Variants in FAM234B observed in about 807,000 individuals in gnomAD.
The protein encoded by FAM234B is family with sequence similarity 234 member B, also known as protein FAM234B.
FAM234B carries 33 observed loss-of-function variants against 69.3 expected under a neutral mutation model. That is an observed-to-expected ratio of 0.48 (90% confidence interval 0.36 to 0.64). FAM234B has a LOEUF of 0.64. FAM234B is among the 30% of genes least tolerant of loss of function. FAM234B has a pLI of 0.00. For missense variants in FAM234B, 697 were observed against 769.7 expected (o/e 0.91, Z 1.12); for synonymous variants, 306 against 306.9 (o/e 1.00, Z 0.03).
At chr12:13,071,498 AGGGG>A in intron 10 of FAM234B, 102 bp downstream of exon 10, 1 of 1,125,886 alleles carries the variant, frequency 8.9e-7, no homozygotes, top group Non-Finnish European at 1.3e-6. Context: ...TCACTTTCCA[AGGGG>A]TTGGAATAGA....
rs1865263143 is a variant in FAM234B at position 13,083,293 on chromosome 12, G to T, written c.*2663G>T. ...TCCCTTTTCCTTAGACCCCGTTTTT[G>T]CCATCCCCCAAATGTGTGGTATGGT... On this transcript the variant is annotated 3_prime_UTR_variant, in exon 13 of 13. Transcript: ENST00000197268. The T allele has an allele frequency of 6.6e-6, 1 of 152,394 alleles. No homozygotes were observed. Among genetic ancestry groups the T allele is most frequent in the African/African-American group, 2.4e-5 (1 of 41,364 alleles). The allele number at this position is 152,394 out of a possible 1,614,324, so 9.4% of individuals were successfully genotyped here.
At position 13,067,220 on chromosome 12, in the gene FAM234B, C is replaced by T. The variant is rs1354415742; in HGVS notation, c.1066C>T (p.Pro356Ser). Residue 356 changes from proline to serine, a missense_variant, in exon 7 of 13, where the codon CCT (proline) becomes TCT (serine). Physicochemically the swap from Pro to Ser is moderately conservative, Grantham distance 74. Around this residue, in one of 3 missense-constraint regions of FAM234B, gnomAD observed 380 missense variants for 447.1 expected, o/e 0.85. Transcript: ENST00000197268. The surrounding 1 kb of genome is among the most constrained non-coding windows in gnomAD (Gnocchi z 4.7). Reference sequence around the variant, plus strand: ...GGCCCAAAATCGAGACAGCTCACCACCTTCTCTGCAGATAGAAGAGCCAGA... The same window carrying T: ...GGCCCAAAATCGAGACAGCTCACCATCTTCTCTGCAGATAGAAGAGCCAGA... ...VQAQNRDSSPPSLQIEEPEWE... is the reference protein window; with the variant it reads ...VQAQNRDSSPSSLQIEEPEWE... 6.2e-6 allele frequency: 10 copies of T among 1,614,044 alleles called. No homozygotes were observed. Among genetic ancestry groups the T allele is most frequent in the Non-Finnish European group, 8.5e-6 (10 of 1,179,896 alleles).
chr12:13,049,338 C>A (rs570191038), intron 1 of FAM234B, among the ~76,000 whole-genome samples: 1 of 152,222 alleles, frequency 6.6e-6, no homozygotes, highest in Non-Finnish European at 1.5e-5. Flanking sequence ...TGCCACCACA[C>A]GTGGCAAATT....
intron 1 of FAM234B, among the ~76,000 whole-genome samples, chr12:13,054,263 T>C (rs1864906544): frequency 6.6e-6 from 1 of 152,094 alleles, no homozygotes; most frequent in African/African-American, 2.4e-5. Flanking sequence ...ATCTTACAAT[T>C]TGTGGTTAGA....
chr12:13,062,809 G>C (rs564011293), intron 4 of FAM234B, 36 bp from the exon 5 acceptor site: 1 of 1,609,708 alleles, frequency 6.2e-7, no homozygotes, highest in South Asian at 1.1e-5. Flanking sequence ...AAGGCAAGAA[G>C]TTGTCATAGT....
intron 10 of FAM234B, among the ~76,000 whole-genome samples, chr12:13,075,610 C>CTTTTT (rs5796522): frequency 1.6e-5 from 2 of 122,890 alleles, no homozygotes; most frequent in African/African-American, 3.1e-5. Context: ...TTTTTTTTCT[C>CTTTTT]TTTTTTTTTT....
intron 3 of FAM234B, among the ~76,000 whole-genome samples, 161 bp from the exon 4 acceptor site, chr12:13,061,414 G>A (rs1591598517): frequency 2.0e-5 from 3 of 152,208 alleles, no homozygotes; most frequent in African/African-American, 4.8e-5. Flanking sequence ...CAGGCACTCT[G>A]TGTTCACATC....
chr12:13,076,510 C>T (rs1865162148), intron 11 of FAM234B, among the ~76,000 whole-genome samples: 1 of 152,174 alleles, frequency 6.6e-6, no homozygotes. Context: ...TTGACCCACT[C>T]AGAGATTAGG....
intron 1 of FAM234B, among the ~76,000 whole-genome samples, chr12:13,050,090 G>A (rs1864859521): frequency 6.6e-6 from 1 of 152,104 alleles, no homozygotes; most frequent in Admixed American, 6.5e-5. Context: ...GTAGGCTGCT[G>A]GTTTGGCATT....
chr12:13,077,196 T>C (rs1380657418), intron 11 of FAM234B, among the ~76,000 whole-genome samples: 1 of 152,160 alleles, frequency 6.6e-6, no homozygotes, highest in East Asian at 1.9e-4. Context: ...TCAGTGAACA[T>C]CAAATAATGG....
intron 2 of FAM234B, among the ~76,000 whole-genome samples, chr12:13,057,381 T>C (rs1864941654): frequency 6.6e-6 from 1 of 152,242 alleles, no homozygotes; most frequent in African/African-American, 2.4e-5. Flanking sequence ...CACTACTGTC[T>C]GATTTTTCCA....
chr12:13,072,689 A>T (rs10845703), intron 10 of FAM234B, among the ~76,000 whole-genome samples: 1 of 150,604 alleles, frequency 6.6e-6, no homozygotes, highest in Non-Finnish European at 1.5e-5. Context: ...GAGATCATGC[A>T]ATTGCACTCC....
chr12:13,060,342 T>G (rs1321051973), intron 3 of FAM234B, among the ~76,000 whole-genome samples: 1 of 152,176 alleles, frequency 6.6e-6, no homozygotes, highest in Admixed American at 6.5e-5. Context: ...ATACTAACTG[T>G]GCGGCAGCCA....
In FAM234B at chr12:13,055,835, C is replaced by T; in HGVS notation, c.322C>T (p.Leu108=). The T allele has an allele frequency of 1.2e-6, 2 of 1,614,096 alleles. No individual in the cohort carries two copies. Among genetic ancestry groups the T allele is most frequent in the Non-Finnish European group, 1.7e-6 (2 of 1,180,016 alleles). ...GTCATATGTGCGCACGTCTGTCTTCCTGCTGACTTTGGGGATCTCGATGAT... is the reference window on the plus strand; with the variant it reads ...GTCATATGTGCGCACGTCTGTCTTCTTGCTGACTTTGGGGATCTCGATGAT... ...LVSYVRTSVF[L]LTLGISMILV... is the part of the protein sequence containing the mutation. Residue 108 remains leucine, a synonymous_variant, in exon 2 of 13, where the codon CTG becomes TTG. Coordinates refer to ENST00000197268, the MANE Select transcript of FAM234B (RefSeq NM_020853.2).
chr12:13,071,185 G>A, intron 9 of FAM234B, 56 bp from the exon 10 acceptor site: 2 of 1,588,552 alleles, frequency 1.3e-6, no homozygotes, highest in South Asian at 1.1e-5. Context: ...GCATTTTCTG[G>A]GCCTGCTGCT....
rs1354717745 is a variant in FAM234B at position 13,067,706 on chromosome 12, A to G, written c.1142+410A>G. On this transcript the variant is annotated intron_variant, in intron 7 of 12. Coordinates refer to ENST00000197268, the MANE Select transcript of FAM234B (RefSeq NM_020853.2). The surrounding 1 kb of genome is among the most constrained non-coding windows in gnomAD (Gnocchi z 4.7). The stretch of plus-strand genomic sequence containing the variant: ...TAGTGTCCATGAAATCTTATTTTTT[A>G]TTTTTATTTATTTCCTAACTAGAAG... Among the ~76,000 whole-genome samples, 1 of 152,118 alleles carries G rather than the reference A, an allele frequency of 6.6e-6. No homozygotes were observed. The highest frequency in any genetic ancestry group is 1.5e-5 in the Non-Finnish European group (1 of 68,006).
intron 10 of FAM234B, among the ~76,000 whole-genome samples, 156 bp downstream of exon 10, chr12:13,071,552 GTCC>G (rs1234686456): frequency 2.6e-5 from 4 of 152,296 alleles, no homozygotes; most frequent in East Asian, 1.9e-4. Flanking sequence ...GGAACCCTGT[GTCC>G]TCCTGAGCCA....
intron 2 of FAM234B, among the ~76,000 whole-genome samples, chr12:13,056,293 G>A (rs1236258956): frequency 2.0e-5 from 3 of 152,170 alleles, no homozygotes; most frequent in Non-Finnish European, 4.4e-5. Flanking sequence ...TCAAGGCCTG[G>A]TTGCACCAGG....
rs577115710 is a variant in FAM234B, at chr12:13,067,457, G to C, written c.1142+161G>C. On this transcript the variant is annotated intron_variant, in intron 7 of 12. Transcript: ENST00000197268. The surrounding 1 kb of genome is among the most constrained non-coding windows in gnomAD (Gnocchi z 4.7). The stretch of plus-strand genomic sequence containing the variant: ...CTTCTGATCTGGTTAACATGAGTTA[G>C]AAATTTTCTTCTCTTGGTAACATAA... Among the ~76,000 whole-genome samples, 2 of 152,320 alleles carry C rather than the reference G, an allele frequency of 1.3e-5. No individual in the cohort carries two copies. The highest frequency in any genetic ancestry group is 3.9e-4 in the East Asian group (2 of 5,188).
Sources: gnomAD v4.1 joint callset for allele counts (sites outside exome capture counted in the v4.1 genomes callset) on GRCh38, gnomAD v4.1.1 for gene constraint, gnomAD v4.1.1 regional missense constraint, Gnocchi (gnomAD v3.1) non-coding constraint, MANE v1.5 for transcripts, NCBI Gene and HGNC (gene_info 2026-07-23, HGNC 2026-07-21) for gene names.